The following TENM4 variants were observed in gnomAD, a reference collection of about 807,000 sequenced individuals.
The protein encoded by TENM4 is teneurin-4.
A neutral mutation model predicts 243.3 loss-of-function variants in TENM4; 82 were observed. The observed-to-expected ratio is 0.34, with a 90% confidence interval of 0.28 to 0.40. TENM4 has a LOEUF of 0.40. TENM4 is among the 10% of genes least tolerant of loss of function. TENM4 has a pLI of 1.00. For missense variants in TENM4, 3,138 were observed against 3,673.3 expected (o/e 0.85, Z 3.77); for synonymous variants, 1,412 against 1,456.3 (o/e 0.97, Z 0.69).
chr11:78,659,718 G>A (rs566779728), intron 33 of TENM4, among the ~76,000 whole-genome samples: 31 of 152,294 alleles, frequency 2.0e-4, no homozygotes, highest in Middle Eastern at 6.8e-3. Context: ...TGCTTCCTTG[G>A]GGCTCCTGGG....
At chr11:79,065,053 T>A in intron 5 of TENM4, 46 bp from the exon 6 acceptor site, 1 of 1,438,674 alleles carries the variant, frequency 7.0e-7, no homozygotes, top group Non-Finnish European at 9.2e-7. Flanking sequence ...TGAGATGAGG[T>A]CTGCGTCTGC....
intron 4 of TENM4, among the ~76,000 whole-genome samples, chr11:79,114,202 C>T (rs922611667): frequency 6.6e-6 from 1 of 152,098 alleles, no homozygotes; most frequent in African/African-American, 2.4e-5. Context: ...CTCTCAATGT[C>T]TTGTGAATAA....
At chr11:78,950,868 C>A (rs529257038) in intron 6 of TENM4, among the ~76,000 whole-genome samples, 4 of 152,234 alleles carry the variant, frequency 2.6e-5, no homozygotes, top group Non-Finnish European at 4.4e-5. Flanking sequence ...CTTAGCTCTT[C>A]TGCTCTAGAG....
At chr11:79,106,805 G>C (rs1371037286) in intron 4 of TENM4, among the ~76,000 whole-genome samples, 2 of 152,220 alleles carry the variant, frequency 1.3e-5, no homozygotes, top group Admixed American at 6.5e-5. Flanking sequence ...ACAACAGCCT[G>C]TTGGTAACTT....
At chr11:79,395,985 T>C (rs970526509) in intron 1 of TENM4, among the ~76,000 whole-genome samples, 2 of 152,192 alleles carry the variant, frequency 1.3e-5, no homozygotes, top group African/African-American at 4.8e-5. Context: ...TTATAGTTGG[T>C]AGGCATACCA....
intron 6 of TENM4, among the ~76,000 whole-genome samples, chr11:78,985,131 A>T (rs1181692632): frequency 6.6e-6 from 1 of 152,232 alleles, no homozygotes; most frequent in Non-Finnish European, 1.5e-5. Context: ...AAATGAGTTA[A>T]TACATGCCAA....
rs183631402 is a variant in TENM4 at position 79,215,900 on chromosome 11, G to A, written c.-255C>T. ...GCCATTGGATCCTGGAGGATGGTGC[G>A]GGATCTTTTCTGTTGAAGCAGAGAA... On this transcript the variant is annotated 5_prime_UTR_variant, in exon 3 of 34. Transcript: ENST00000278550. The A allele has an allele frequency of 1.8e-3, 1,782 of 978,706 alleles. 1 individual carries two copies. Among genetic ancestry groups the A allele is most frequent in the Non-Finnish European group, 2.1e-3 (1,739 of 823,448 alleles). 60.6% of individuals were successfully genotyped at this position (978,706 alleles called of 1,614,324 possible). A position where few individuals can be genotyped will look rare whatever the true frequency, so the allele number is the denominator to read the frequency against.
chr11:79,098,038 A>C (rs1312678531), intron 4 of TENM4: 1 of 152,196 alleles, frequency 6.6e-6, no homozygotes, highest in Non-Finnish European at 1.5e-5. Context: ...AAGGAAGGGA[A>C]GTATTTATCC....
intron 27 of TENM4, among the ~76,000 whole-genome samples, chr11:78,703,435 G>C (rs1859155665): frequency 6.6e-6 from 1 of 152,192 alleles, no homozygotes; most frequent in Admixed American, 6.5e-5. Context: ...GATTACTGAA[G>C]CTGGTTGTAG....
At chr11:78,839,482 A>G (rs1045744750) in intron 12 of TENM4, among the ~76,000 whole-genome samples, 1 of 152,120 alleles carries the variant, frequency 6.6e-6, no homozygotes. Context: ...ACTTTTGGAA[A>G]AGCTATCTTG....
Position 78,723,037 on chromosome 11 carries a change from G to C in TENM4, c.3551-120C>G, listed in dbSNP as rs1348552143. 3.6e-6 allele frequency: 5 copies of C among 1,400,882 alleles called. No individual in the cohort carries two copies. In the African/African-American group the frequency reaches 5.7e-5, roughly 16 times the overall value. The allele number at this position is 1,400,882 out of a possible 1,614,324, so 86.8% of individuals were successfully genotyped here. A position where few individuals can be genotyped will look rare whatever the true frequency, so the allele number is the denominator to read the frequency against. ...CAAGATCTCCATCAACCATTTCCAG[G>C]ATCATAGCCCAAGGCTTTGCCTCAC... is the stretch of plus-strand genomic sequence containing the variant. On this transcript the variant is annotated intron_variant, in intron 23 of 33. Transcript: ENST00000278550.
chr11:78,704,202 G>A (rs1474248523), intron 27 of TENM4, among the ~76,000 whole-genome samples: 1 of 114,588 alleles, frequency 8.7e-6, no homozygotes, highest in African/African-American at 3.7e-5. Flanking sequence ...TATTTGTAGA[G>A]ACAGGGCTTT....
intron 6 of TENM4, among the ~76,000 whole-genome samples, chr11:78,988,735 CATA>C (rs1239179635): frequency 6.6e-6 from 1 of 152,200 alleles, no homozygotes; most frequent in Non-Finnish European, 1.5e-5. Flanking sequence ...ACTGCAGTGG[CATA>C]ATCACAGCTC....
intron 6 of TENM4, among the ~76,000 whole-genome samples, chr11:78,950,450 G>A (rs1010603976): frequency 3.3e-5 from 5 of 152,164 alleles, no homozygotes; most frequent in African/African-American, 1.2e-4. Context: ...CTGCCTGAGG[G>A]TTGTCAAGAA....
chr11:79,186,402 A>G (rs1315615599), intron 3 of TENM4, among the ~76,000 whole-genome samples: 1 of 152,222 alleles, frequency 6.6e-6, no homozygotes, highest in Non-Finnish European at 1.5e-5. Flanking sequence ...ACCAGGCACT[A>G]CAGCGGAGCC....
chr11:78,881,338 G>C (rs1364360236), intron 9 of TENM4, among the ~76,000 whole-genome samples: 1 of 152,180 alleles, frequency 6.6e-6, no homozygotes, highest in Non-Finnish European at 1.5e-5. Context: ...TGGTTCCCTT[G>C]AGCTGTGACT....
intron 6 of TENM4, among the ~76,000 whole-genome samples, chr11:79,042,043 T>C (rs570406521): frequency 1.8e-4 from 27 of 152,230 alleles, no homozygotes; most frequent in East Asian, 1.2e-3. Flanking sequence ...TTATACACAA[T>C]AGACCTGGTA....
At chr11:78,758,355 C>T (rs567030420) in intron 18 of TENM4, among the ~76,000 whole-genome samples, 1 of 152,290 alleles carries the variant, frequency 6.6e-6, no homozygotes, top group African/African-American at 2.4e-5. Flanking sequence ...TGACAAATGC[C>T]AGTCCATAAA....
chr11:79,148,421 T>G (rs1862433564), intron 4 of TENM4, among the ~76,000 whole-genome samples: 2 of 152,082 alleles, frequency 1.3e-5, no homozygotes, highest in African/African-American at 4.8e-5. Flanking sequence ...TCTATAGAGA[T>G]GCTGTTGTGG....
Sources: allele counts gnomAD v4.1 joint callset (sites outside exome capture counted in the v4.1 genomes callset), GRCh38; gene constraint gnomAD v4.1.1; transcripts MANE v1.5; gene names NCBI Gene and HGNC (gene_info 2026-07-23, HGNC 2026-07-21).